Variants in ARAP2 observed in about 807,000 individuals in gnomAD.
ARAP2 encodes the protein arf-GAP with Rho-GAP domain, ANK repeat and PH domain-containing protein 2.
In ARAP2, 148 loss-of-function variants were observed where a neutral mutation model predicts 194.5. The ratio of observed to expected loss-of-function variants is 0.76; its 90% CI spans 0.67 to 0.87. ARAP2 has a LOEUF of 0.87. Ranked by LOEUF, ARAP2 falls within the 40% of genes least tolerant of loss-of-function variation. The probability of loss-of-function intolerance (pLI) is 0.00; values close to 1 mark genes in which losing one functional copy is unlikely to be tolerated. For synonymous variants in ARAP2, 695 were observed against 683.5 expected, an observed-to-expected ratio of 1.02 and a Z score of -0.26; for missense variants, 2,128 against 1,989.7, an observed-to-expected ratio of 1.07 and a Z score of -1.32.
At chr4:36,143,618 A>T (rs1049202253) in intron 19 of ARAP2, among the ~76,000 whole-genome samples, 6 of 151,766 alleles carry the variant, frequency 4.0e-5, no homozygotes, top group Non-Finnish European at 8.8e-5. Flanking sequence ...TTATTATCAG[A>T]TGATTATTGA....
At chr4:36,117,263 T>A in intron 24 of ARAP2, 128 bp from the exon 25 acceptor site, 1 of 600,592 alleles carries the variant, frequency 1.7e-6, no homozygotes. Context: ...CAAGCTCAAT[T>A]CCCCTGCTCA....
chr4:36,231,205 G>A (rs1429620451), intron 1 of ARAP2, among the ~76,000 whole-genome samples: 4 of 152,094 alleles, frequency 2.6e-5, no homozygotes, highest in African/African-American at 9.7e-5. Context: ...GTGTGAGGGT[G>A]CGTGCCTGTA....
At chr4:36,171,463 T>C (rs889594749) in intron 9 of ARAP2, among the ~76,000 whole-genome samples, 1 of 149,662 alleles carries the variant, frequency 6.7e-6, no homozygotes, top group South Asian at 2.1e-4. Context: ...AGGTGGGAAA[T>C]GAACAATGAG....
At position 36,133,401 on chromosome 4, in the gene ARAP2, A is replaced by G; in HGVS notation, c.3264-12T>C. On this transcript the variant is annotated splice_polypyrimidine_tract_variant and intron_variant, in intron 19 of 32. Transcript: ENST00000303965. ...GGATGTATAATGTTCTGTAAAGTTT[A>G]AAAAGCATTTCAAATTATAATTTTG... is the stretch of plus-strand genomic sequence containing the variant. 2 of 1,595,788 alleles carry G rather than the reference A, an allele frequency of 1.3e-6. No homozygotes were observed. Among genetic ancestry groups the G allele is most frequent in the Non-Finnish European group, 1.7e-6 (2 of 1,171,704 alleles).
intron 8 of ARAP2, among the ~76,000 whole-genome samples, chr4:36,179,832 T>C (rs1738816560): frequency 6.6e-6 from 1 of 152,242 alleles, no homozygotes; most frequent in Non-Finnish European, 1.5e-5. Flanking sequence ...TATTTCATAA[T>C]GAGTCTTTTT....
intron 11 of ARAP2, among the ~76,000 whole-genome samples, chr4:36,161,944 T>C (rs1306971551): frequency 6.6e-6 from 1 of 151,556 alleles, no homozygotes; most frequent in African/African-American, 2.4e-5. Context: ...CCGTCTCTAC[T>C]AAAAATACAA....
chr4:36,207,872 G>T (rs1745903315), intron 6 of ARAP2, among the ~76,000 whole-genome samples: 1 of 152,042 alleles, frequency 6.6e-6, no homozygotes, highest in Non-Finnish European at 1.5e-5. Context: ...ATGTTGTTGA[G>T]TTCAGCAGCT....
intron 9 of ARAP2, among the ~76,000 whole-genome samples, chr4:36,176,734 T>C (rs1738009152): frequency 6.6e-6 from 1 of 152,184 alleles, no homozygotes; most frequent in Non-Finnish European, 1.5e-5. Flanking sequence ...CCAAGAGTGC[T>C]TGATGATGCC....
At chr4:36,191,117 A>G (rs150608701) in intron 7 of ARAP2, among the ~76,000 whole-genome samples, 1 of 152,324 alleles carries the variant, frequency 6.6e-6, no homozygotes, top group African/African-American at 2.4e-5. Flanking sequence ...AATGCCTAAA[A>G]ACATTTACAG....
chr4:36,054,247 A>T (rs1318710725), intron 2 of ARAP2, among the ~76,000 whole-genome samples: 2 of 152,050 alleles, frequency 1.3e-5, no homozygotes, highest in Non-Finnish European at 2.9e-5. Flanking sequence ...ACCTTTTTAT[A>T]CCCCCAAAGT....
rs1014894613 is a variant in ARAP2 at position 36,128,549 on chromosome 4, A to G, written c.3624T>C (p.Tyr1208=). The change falls in exon 21 of 33, where the codon TAT becomes TAC. Residue 1208 remains tyrosine, a synonymous_variant. Transcript: ENST00000303965. ...AAATATTACCTAAAGCAGAGATCCA[A>G]TATGGGTAGAGCTCCTTAGTAAGCA... ...DALLTKELYP[Y]WISALDTQDD... The G allele has an allele frequency of 5.0e-6, 8 of 1,612,444 alleles. No individual in the cohort carries two copies. The highest frequency in any genetic ancestry group is 4.0e-5 in the African/African-American group (3 of 74,762).
Position 36,073,809 on chromosome 4 carries a change from T to C in ARAP2, c.4623A>G (p.Ile1541Met), listed in dbSNP as rs1395941233. 1 of 1,612,966 alleles carries C rather than the reference T, an allele frequency of 6.2e-7. No homozygotes were observed. The highest frequency in any genetic ancestry group is 8.5e-7 in the Non-Finnish European group (1 of 1,179,160). ...TTCGTTCCTTTCCAGCTGGTGGCCA[T>C]ATATCATATTCATGCTGTGGAAACA... is the stretch of plus-strand genomic sequence containing the variant. ...SIFIAQHEYD[I>M]WPPAGKERKR... Residue 1541 changes from isoleucine (I) to methionine (M), a missense_variant, in exon 32 of 33, where the codon ATA becomes ATG. By Grantham distance (10) the Ile-to-Met change is conservative. Coordinates refer to ENST00000303965, the MANE Select transcript of ARAP2 (RefSeq NM_015230.4).
In ARAP2 at chr4:36,121,340, G is replaced by T. The variant is rs531701127; in HGVS notation, c.3747-14C>A. ...CATTTCTGAACCCTGTCAGAGAAAA[G>T]CATAGTTTATTATGATACACTTTTA... On this transcript the variant is annotated splice_polypyrimidine_tract_variant and intron_variant, in intron 22 of 32. Coordinates refer to ENST00000303965, the MANE Select transcript of ARAP2 (RefSeq NM_015230.4). The T allele has an allele frequency of 3.5e-5, 55 of 1,568,342 alleles. 2 individuals carry two copies. The South Asian group carries it at 6.2e-4, about 18-fold the overall frequency.
chr4:36,232,563 T>A (rs1751694305), intron 1 of ARAP2, among the ~76,000 whole-genome samples: 2 of 152,200 alleles, frequency 1.3e-5, no homozygotes. Flanking sequence ...TCTACCAATA[T>A]CCTTCATTCA....
At chr4:36,140,139 T>TACACGCACACAC (rs1727922854) in intron 19 of ARAP2, among the ~76,000 whole-genome samples, 1 of 140,384 alleles carries the variant, frequency 7.1e-6, no homozygotes, top group Admixed American at 7.2e-5. Flanking sequence ...ACAAAAACAA[T>TACACGCACACAC]ACACACACAC....
chr4:36,133,794 T>C (rs532166598), intron 19 of ARAP2, among the ~76,000 whole-genome samples: 4 of 151,910 alleles, frequency 2.6e-5, no homozygotes, highest in Admixed American at 6.6e-5. Flanking sequence ...TTTCTGGATT[T>C]TCCTCCTATC....
intron 9 of ARAP2, among the ~76,000 whole-genome samples, chr4:36,172,606 C>A (rs746885398): frequency 6.6e-6 from 1 of 151,972 alleles, no homozygotes; most frequent in African/African-American, 2.4e-5. Flanking sequence ...CAGGACCTGG[C>A]GAAAACTACA....
At chr4:36,092,181 G>T (rs1179531526) in intron 27 of ARAP2, among the ~76,000 whole-genome samples, 161 bp from the exon 28 acceptor site, 7 of 152,146 alleles carry the variant, frequency 4.6e-5, no homozygotes, top group Non-Finnish European at 1.0e-4. Context: ...CTGAAGTATA[G>T]CTATTTATCA....
chr4:36,217,871 T>C (rs976450597), intron 2 of ARAP2, among the ~76,000 whole-genome samples: 2 of 150,886 alleles, frequency 1.3e-5, no homozygotes, highest in African/African-American at 4.9e-5. Flanking sequence ...ATACTAGATA[T>C]ACGATAATAC....
Sources: gnomAD v4.1 joint callset for allele counts (sites outside exome capture counted in the v4.1 genomes callset) on GRCh38, gnomAD v4.1.1 for gene constraint, MANE v1.5 for transcripts, NCBI Gene and HGNC (gene_info 2026-07-23, HGNC 2026-07-21) for gene names.